The following ASB3 variants were observed in gnomAD, a reference collection of about 807,000 sequenced individuals.
ASB3 encodes ankyrin repeat and SOCS box protein 3.
A neutral mutation model predicts 54.5 loss-of-function variants in ASB3; 41 were observed. The observed-to-expected ratio is 0.75, with a 90% CI of 0.59 to 0.98. The LOEUF (loss-of-function observed/expected upper bound fraction) is 0.98. ASB3 is among the 50% of genes least tolerant of loss of function. ASB3 has a pLI of 0.00. For missense variants in ASB3, 733 were observed against 620.0 expected, an observed-to-expected ratio of 1.18 and a Z score of -1.94; for synonymous variants, 266 against 221.2, an observed-to-expected ratio of 1.20 and a Z score of -1.80.
intron 9 of ASB3, among the ~76,000 whole-genome samples, chr2:53,682,003 C>CA (rs1668398555): frequency 6.6e-6 from 1 of 151,524 alleles, no homozygotes; most frequent in African/African-American, 2.4e-5. Context: ...ACTAAAAGTA[C>CA]AAAAAAATTA....
At chr2:53,681,558 G>A (rs1361377223) in intron 9 of ASB3, among the ~76,000 whole-genome samples, 1 of 152,096 alleles carries the variant, frequency 6.6e-6, no homozygotes, top group African/African-American at 2.4e-5. Context: ...TAGGGGTCTA[G>A]TTTTATTCTT....
chr2:53,758,972 T>C (rs1310827773), intron 2 of ASB3, among the ~76,000 whole-genome samples: 2 of 152,200 alleles, frequency 1.3e-5, no homozygotes, highest in Non-Finnish European at 2.9e-5. Flanking sequence ...CTGATGGCTA[T>C]ATTGATGTTT....
intron 3 of ASB3, among the ~76,000 whole-genome samples, chr2:53,733,243 G>A (rs1054418032): frequency 6.6e-6 from 1 of 152,318 alleles, no homozygotes; most frequent in South Asian, 2.1e-4. Flanking sequence ...AATGATACAT[G>A]TCAGCAACAG....
At chr2:53,686,400 G>A (rs534491245) in intron 9 of ASB3, among the ~76,000 whole-genome samples, 1 of 152,172 alleles carries the variant, frequency 6.6e-6, no homozygotes, top group African/African-American at 2.4e-5. Context: ...TCAGAGCCAC[G>A]GTTTTGTGCC....
intron 2 of ASB3, among the ~76,000 whole-genome samples, chr2:53,752,528 T>G (rs1205901351): frequency 2.6e-5 from 4 of 152,218 alleles, no homozygotes; most frequent in Non-Finnish European, 4.4e-5. Flanking sequence ...CAGCCCCTTA[T>G]TCTGAGCCAC....
chr2:53,700,909 G>T (rs1263406649), intron 7 of ASB3, among the ~76,000 whole-genome samples: 2 of 152,146 alleles, frequency 1.3e-5, no homozygotes, highest in Non-Finnish European at 2.9e-5. Context: ...AAAACTAAAT[G>T]ATTCTAGGAA....
chr2:53,754,433 T>C (rs145471411), intron 2 of ASB3, among the ~76,000 whole-genome samples: 80 of 152,274 alleles, frequency 5.3e-4, no homozygotes, highest in Admixed American at 2.0e-3. Flanking sequence ...TGATTATATA[T>C]GAAGTAAAGA....
At chr2:53,702,234 C>A (rs1669532064) in intron 7 of ASB3, among the ~76,000 whole-genome samples, 1 of 152,106 alleles carries the variant, frequency 6.6e-6, no homozygotes, top group Non-Finnish European at 1.5e-5. Context: ...AAAAAAACTA[C>A]CATTTGTTTG....
intron 5 of ASB3, among the ~76,000 whole-genome samples, chr2:53,728,096 G>A (rs1671108360): frequency 6.6e-6 from 1 of 151,928 alleles, no homozygotes; most frequent in African/African-American, 2.4e-5. Flanking sequence ...AGTTAGCACT[G>A]TGAAGAGCAT....
At chr2:53,785,555 CA>C (rs1438821827) in intron 1 of ASB3, among the ~76,000 whole-genome samples, 4 of 152,318 alleles carry the variant, frequency 2.6e-5, no homozygotes, top group Non-Finnish European at 2.9e-5. Flanking sequence ...TTACCAAGCC[CA>C]GGGGGGCCAG....
chr2:53,783,951 A>G lies in ASB3; in HGVS notation c.-14+2870T>C, dbSNP rs1262116311. 3.9e-5 allele frequency among the ~76,000 whole-genome samples: 6 copies of G among 152,368 alleles called. No homozygotes were observed. In the Middle Eastern group the frequency reaches 0.017, roughly 432 times the overall value. The stretch of plus-strand genomic sequence containing the variant: ...AGGCATGATACAAAAAAATCTCAGT[A>G]AACAGGTATGCAACTGACTTGTAAA... On this transcript the variant is annotated intron_variant, in intron 1 of 9. Transcript: ENST00000263634.
intron 9 of ASB3, among the ~76,000 whole-genome samples, chr2:53,679,533 C>A (rs891333713): frequency 1.3e-5 from 2 of 152,042 alleles, no homozygotes; most frequent in Admixed American, 1.3e-4. Flanking sequence ...CCGTCTCCAA[C>A]TGGCCTACAC....
chr2:53,764,545 C>T (rs1673327977), intron 2 of ASB3, among the ~76,000 whole-genome samples: 3 of 152,168 alleles, frequency 2.0e-5, no homozygotes, highest in Admixed American at 2.0e-4. Context: ...GCTCAGTCAC[C>T]ATTTGTTTTC....
At chr2:53,749,979 T>G (rs1672429824) in intron 3 of ASB3, among the ~76,000 whole-genome samples, 1 of 152,074 alleles carries the variant, frequency 6.6e-6, no homozygotes, top group African/African-American at 2.4e-5. Context: ...AAAAAGTACT[T>G]TCACAGACAA....
chr2:53,678,703 T>G (rs1165338953), intron 9 of ASB3, among the ~76,000 whole-genome samples: 2 of 152,178 alleles, frequency 1.3e-5, no homozygotes, highest in African/African-American at 4.8e-5. Flanking sequence ...GGAAGAGAGA[T>G]AAGTCCTCGG....
intron 9 of ASB3, among the ~76,000 whole-genome samples, chr2:53,685,321 T>A (rs1438319445): frequency 6.6e-6 from 1 of 152,160 alleles, no homozygotes; most frequent in African/African-American, 2.4e-5. Context: ...TGGAGGATAA[T>A]TACAAAGTAG....
intron 8 of ASB3, among the ~76,000 whole-genome samples, chr2:53,697,720 A>C (rs1669262422): frequency 6.6e-6 from 1 of 152,210 alleles, no homozygotes; most frequent in Non-Finnish European, 1.5e-5. Flanking sequence ...GGACCCAAGT[A>C]AGTCCAAAAT....
At chr2:53,767,755 C>A (rs1673574527) in intron 1 of ASB3, 1 of 1,046,444 alleles carries the variant, frequency 9.6e-7, no homozygotes, top group Non-Finnish European at 1.4e-6. Context: ...ACTCCCAGTG[C>A]GCTTTGCGCC....
At chr2:53,768,281 G>C in intron 1 of ASB3, 1 of 431,054 alleles carries the variant, frequency 2.3e-6, no homozygotes, top group Non-Finnish European at 4.2e-6. Context: ...AGGCGCACGA[G>C]CTCGCACCAG....
Sources: allele counts gnomAD v4.1 joint callset (sites outside exome capture counted in the v4.1 genomes callset), GRCh38; gene constraint gnomAD v4.1.1; transcripts MANE v1.5; gene names NCBI Gene and HGNC (gene_info 2026-07-23, HGNC 2026-07-21).